The following MYT1L variants were observed in gnomAD, a reference collection of about 807,000 sequenced individuals.
MYT1L encodes myelin transcription factor 1 like.
MYT1L carries 12 observed loss-of-function variants against 126.7 expected under a neutral mutation model. That is an observed-to-expected ratio of 0.09 (90% CI 0.06 to 0.15). The LOEUF is 0.15. Among genes scored for constraint, MYT1L ranks in the 10% least tolerant of loss-of-function variants. MYT1L has a pLI of 1.00. For missense variants in MYT1L, 979 were observed against 1,585.2 expected, an observed-to-expected ratio of 0.62 and a Z score of 6.49; for synonymous variants, 541 against 604.2, an observed-to-expected ratio of 0.90 and a Z score of 1.53.
intron 8 of MYT1L, among the ~76,000 whole-genome samples, chr2:1,948,009 T>C (rs2057395031): frequency 6.6e-6 from 1 of 152,234 alleles, no homozygotes. Context: ...GGCTGGGCCT[T>C]AGTTTACCTA....
chr2:2,302,979 T>G (rs907468168), intron 1 of MYT1L, among the ~76,000 whole-genome samples: 1 of 152,196 alleles, frequency 6.6e-6, no homozygotes, highest in African/African-American at 2.4e-5. Context: ...AGTCATTCAA[T>G]AAATTATTCA....
At chr2:1,859,148 G>A (rs1189240694) in intron 18 of MYT1L, among the ~76,000 whole-genome samples, 1 of 152,150 alleles carries the variant, frequency 6.6e-6, no homozygotes, top group Non-Finnish European at 1.5e-5. Flanking sequence ...AGTCAGGTGA[G>A]GGTTTTTTAC....
intron 23 of MYT1L, among the ~76,000 whole-genome samples, chr2:1,798,329 T>C (rs1558586374): frequency 6.6e-6 from 1 of 152,214 alleles, no homozygotes; most frequent in East Asian, 1.9e-4. Flanking sequence ...GAGTTTCCTT[T>C]TTCCTTCTCT....
At chr2:2,037,372 T>G (rs2066978035) in intron 4 of MYT1L, among the ~76,000 whole-genome samples, 1 of 152,172 alleles carries the variant, frequency 6.6e-6, no homozygotes, top group African/African-American at 2.4e-5. Flanking sequence ...TAATGAGACT[T>G]GAAATCATTT....
Position 1,886,619 on chromosome 2 carries a change from G to A in MYT1L, c.2643-12C>T, listed in dbSNP as rs1242618743. ...GGCAGCCAGACAGACTGTAAGACAG[G>A]CCGGGACAGGCAGGTCAGTCAACTG... On this transcript the variant is annotated splice_polypyrimidine_tract_variant and intron_variant, in intron 17 of 24. Transcript: ENST00000647738. 4 of 1,544,510 alleles carry A rather than the reference G, an allele frequency of 2.6e-6. No individual in the cohort carries two copies. The highest frequency in any genetic ancestry group is 3.5e-6 in the Non-Finnish European group (4 of 1,145,964).
chr2:1,926,196 G>A (rs2054209485), intron 9 of MYT1L, among the ~76,000 whole-genome samples: 2 of 152,124 alleles, frequency 1.3e-5, no homozygotes, highest in African/African-American at 2.4e-5. Flanking sequence ...AATTTCTCAA[G>A]CTACCGGTAT....
At chr2:2,142,444 G>A (rs1325263701) in intron 3 of MYT1L, among the ~76,000 whole-genome samples, 1 of 152,060 alleles carries the variant, frequency 6.6e-6, no homozygotes, top group Non-Finnish European at 1.5e-5. Context: ...GACTGAGTTT[G>A]TGAGTTTGTT....
intron 2 of MYT1L, among the ~76,000 whole-genome samples, chr2:2,242,405 A>G (rs759157287): frequency 5.3e-5 from 8 of 152,208 alleles, no homozygotes; most frequent in Non-Finnish European, 1.0e-4. Context: ...TTTTCACCAC[A>G]TATTACGAAA....
intron 9 of MYT1L, among the ~76,000 whole-genome samples, chr2:1,936,083 C>T (rs1179620394): frequency 1.3e-5 from 2 of 152,174 alleles, no homozygotes; most frequent in Non-Finnish European, 2.9e-5. Context: ...CCACCACACC[C>T]GGCTAATTTT....
intron 3 of MYT1L, among the ~76,000 whole-genome samples, chr2:2,104,615 C>T (rs978278734): frequency 2.0e-5 from 3 of 152,200 alleles, no homozygotes; most frequent in African/African-American, 7.2e-5. Context: ...ATGGTCTCTG[C>T]GTCCAGTTAC....
chr2:2,328,421 G>A (rs2096264757), intron 1 of MYT1L, among the ~76,000 whole-genome samples: 1 of 152,180 alleles, frequency 6.6e-6, no homozygotes, highest in Non-Finnish European at 1.5e-5. Flanking sequence ...TAGTCCTAAG[G>A]TCATGCTTTG....
chr2:1,821,076 T>C (rs2038452299), intron 21 of MYT1L, among the ~76,000 whole-genome samples: 2 of 152,158 alleles, frequency 1.3e-5, no homozygotes, highest in African/African-American at 4.8e-5. Flanking sequence ...GATGAACCCG[T>C]CCATATATAA....
chr2:2,143,293 A>G (rs1218112683), intron 3 of MYT1L, among the ~76,000 whole-genome samples: 9 of 151,144 alleles, frequency 6.0e-5, no homozygotes, highest in African/African-American at 2.4e-5. Context: ...CCGTCTCAAA[A>G]AAAAAAAAAA....
chr2:2,223,868 T>G (rs2093945735), intron 2 of MYT1L, among the ~76,000 whole-genome samples: 1 of 152,278 alleles, frequency 6.6e-6, no homozygotes, highest in Admixed American at 6.5e-5. Context: ...GGCTTTCCTG[T>G]GAAAATGGAC....
chr2:2,164,790 A>T (rs969099691), intron 3 of MYT1L, among the ~76,000 whole-genome samples: 2 of 152,208 alleles, frequency 1.3e-5, no homozygotes, highest in South Asian at 4.1e-4. Context: ...TTGCTCAAAG[A>T]CAGAGCTTGC....
At chr2:2,296,756 G>A (rs1055784755) in intron 1 of MYT1L, among the ~76,000 whole-genome samples, 2 of 152,182 alleles carry the variant, frequency 1.3e-5, no homozygotes, top group African/African-American at 4.8e-5. Context: ...GTAAAGAGAA[G>A]CTGGTGGATG....
intron 18 of MYT1L, among the ~76,000 whole-genome samples, chr2:1,872,173 GGGA>G (rs1043811942): frequency 2.6e-5 from 4 of 152,164 alleles, no homozygotes; most frequent in Non-Finnish European, 5.9e-5. Context: ...GGAAACAGAA[GGGA>G]GGAGATTTCT....
At chr2:1,939,844 A>AT (rs2149244380) in intron 9 of MYT1L, among the ~76,000 whole-genome samples, 1 of 152,362 alleles carries the variant, frequency 6.6e-6, no homozygotes, top group East Asian at 1.9e-4. Context: ...TGAAACACCC[A>AT]CGTGGGGCTC....
chr2:1,851,765 C>CT (rs994577742), intron 18 of MYT1L, 62 bp from the exon 19 acceptor site: 50 of 1,508,012 alleles, frequency 3.3e-5, no homozygotes, highest in East Asian at 1.4e-4. Flanking sequence ...GAACAATTAA[C>CT]TTTTTTTTAA....
Sources: allele counts gnomAD v4.1 joint callset (sites outside exome capture counted in the v4.1 genomes callset), GRCh38; gene constraint gnomAD v4.1.1; transcripts MANE v1.5; gene names NCBI Gene and HGNC (gene_info 2026-07-23, HGNC 2026-07-21).